The following NSRP1 variants were observed in gnomAD, a reference collection of about 807,000 sequenced individuals.
The protein encoded by NSRP1 is coiled-coil domain containing 55.
NSRP1 carries 24 observed loss-of-function variants against 54.7 expected under a neutral mutation model. The observed-to-expected ratio is 0.44, with a 90% CI of 0.32 to 0.62. The LOEUF (loss-of-function observed/expected upper bound fraction) is 0.62. NSRP1 is among the 20% of genes least tolerant of loss of function. The pLI is 0.06. For missense variants in NSRP1, 596 were observed against 651.2 expected (o/e 0.92, Z 0.92); for synonymous variants, 210 against 213.8 (o/e 0.98, Z 0.15).
Position 30,184,754 on chromosome 17 carries a change from A to G in NSRP1, c.757A>G (p.Lys253Glu), listed in dbSNP as rs1905447785. ...AGATGCAGACAGTGACTTCGATGCT[A>G]AGAGCAGTGCGGATGATGAAATAGA... The part of the protein sequence containing the change: ...NPDADSDFDA[K>E]SSADDEIEET... Residue 253 changes from lysine to glutamate, a missense_variant, in exon 7 of 7, where the codon AAG (lysine) becomes GAG (glutamate). Coordinates refer to ENST00000247026, the MANE Select transcript of NSRP1 (RefSeq NM_032141.4). 6.2e-7 allele frequency: 1 copy of G among 1,614,056 alleles called. No individual in the cohort carries two copies. Among genetic ancestry groups the G allele is most frequent in the African/African-American group, 1.3e-5 (1 of 74,934 alleles).
At chr17:30,184,194 A>T (rs1905419992) in intron 6 of NSRP1, among the ~76,000 whole-genome samples, 1 of 152,216 alleles carries the variant, frequency 6.6e-6, no homozygotes, top group South Asian at 2.1e-4. Context: ...AGAATGTCTC[A>T]AAATAAATAA....
chr17:30,148,217 G>A (rs1450524158), intron 2 of NSRP1, among the ~76,000 whole-genome samples: 1 of 152,196 alleles, frequency 6.6e-6, no homozygotes, highest in African/African-American at 2.4e-5. Flanking sequence ...TGGTTTATTA[G>A]ATTGATACAT....
chr17:30,117,246 T>G, intron 1 of NSRP1: 1 of 607,900 alleles, frequency 1.6e-6, no homozygotes, highest in Non-Finnish European at 3.0e-6. Context: ...TTAGAGGGCC[T>G]TGTTCTCCTT....
chr17:30,155,742 G>T (rs537515979), intron 2 of NSRP1, among the ~76,000 whole-genome samples: 1 of 152,136 alleles, frequency 6.6e-6, no homozygotes, highest in South Asian at 2.1e-4. Context: ...CCCTTTCCAT[G>T]TGTGTTCTAG....
intron 5 of NSRP1, 115 bp downstream of exon 5, chr17:30,179,412 T>C: frequency 1.5e-6 from 2 of 1,367,646 alleles, no homozygotes; most frequent in Non-Finnish European, 1.9e-6. Context: ...TCATAATTTA[T>C]ATATAGGAAT....
chr17:30,130,378 T>C (rs1201008523), intron 2 of NSRP1, among the ~76,000 whole-genome samples: 1 of 152,150 alleles, frequency 6.6e-6, no homozygotes, highest in Non-Finnish European at 1.5e-5. Flanking sequence ...GGATTAGAAG[T>C]GTGAGCCACT....
intron 2 of NSRP1, among the ~76,000 whole-genome samples, chr17:30,148,330 AG>A (rs1483959551): frequency 6.6e-6 from 1 of 152,230 alleles, no homozygotes; most frequent in Non-Finnish European, 1.5e-5. Context: ...AACTTGATTT[AG>A]GGTTTTCAAA....
At position 30,179,313 on chromosome 17, in the gene NSRP1, G is replaced by A. The variant is rs1434521159; in HGVS notation, c.508+16G>A. 4 of 1,556,926 alleles carry A rather than the reference G, an allele frequency of 2.6e-6. No individual in the cohort carries two copies. The highest frequency in any genetic ancestry group is 1.4e-5 in the African/African-American group (1 of 72,368). On this transcript the variant is annotated intron_variant, in intron 5 of 6. Transcript: ENST00000247026. The stretch of plus-strand genomic sequence containing the variant: ...GCACTGGAAGGTAAAATGAAAGAGT[G>A]GGAAAGGCACAAGGAAACAGTAGCA...
intron 3 of NSRP1, among the ~76,000 whole-genome samples, chr17:30,172,967 AT>A (rs879921029): frequency 2.1e-3 from 311 of 145,452 alleles, no homozygotes; most frequent in Middle Eastern, 3.5e-3. Context: ...AGATATATAG[AT>A]TTTTTTTTTT....
At chr17:30,131,710 C>T (rs538799568) in intron 2 of NSRP1, among the ~76,000 whole-genome samples, 4 of 151,886 alleles carry the variant, frequency 2.6e-5, no homozygotes, top group East Asian at 3.9e-4. Flanking sequence ...GCTGGGTGGC[C>T]GTAGCAATTT....
chr17:30,182,512 C>T (rs767219436), intron 6 of NSRP1, among the ~76,000 whole-genome samples: 3 of 151,846 alleles, frequency 2.0e-5, no homozygotes, highest in African/African-American at 4.8e-5. Flanking sequence ...CATTGTGGCA[C>T]ATGCCTGTAA....
intron 2 of NSRP1, among the ~76,000 whole-genome samples, chr17:30,159,698 G>T (rs1904441149): frequency 6.6e-6 from 1 of 151,886 alleles, no homozygotes; most frequent in African/African-American, 2.4e-5. Flanking sequence ...TCACTCTGTT[G>T]CCCAGGCTGG....
intron 2 of NSRP1, chr17:30,144,830 C>T (rs1351674978): frequency 6.6e-6 from 1 of 152,180 alleles, no homozygotes; most frequent in Non-Finnish European, 1.5e-5. Context: ...CTGCACAAAG[C>T]TCTTTTCTTC....
intron 2 of NSRP1, among the ~76,000 whole-genome samples, chr17:30,145,788 C>T (rs564030229): frequency 8.6e-5 from 13 of 151,882 alleles, no homozygotes; most frequent in African/African-American, 2.9e-4. Context: ...GTTGTATTTC[C>T]GTATATCCGT....
At chr17:30,116,949 G>C (rs905554633) in intron 1 of NSRP1, 86 bp downstream of exon 1, 4 of 1,463,514 alleles carry the variant, frequency 2.7e-6, no homozygotes, top group Non-Finnish European at 2.8e-6. Flanking sequence ...AAATGCGCTG[G>C]AAGTGAAGGG....
chr17:30,159,401 A>G (rs1189808437), intron 2 of NSRP1, among the ~76,000 whole-genome samples: 1 of 152,014 alleles, frequency 6.6e-6, no homozygotes, highest in Admixed American at 6.6e-5. Context: ...ATATAAGATC[A>G]TGTCATCTGC....
chr17:30,174,930 A>G (rs1905077510), intron 3 of NSRP1, among the ~76,000 whole-genome samples: 1 of 152,230 alleles, frequency 6.6e-6, no homozygotes, highest in South Asian at 2.1e-4. Context: ...GAGACTGGGC[A>G]GAATAGGATG....
intron 4 of NSRP1, among the ~76,000 whole-genome samples, chr17:30,178,839 A>G (rs1314552229): frequency 6.6e-6 from 1 of 152,048 alleles, no homozygotes; most frequent in Non-Finnish European, 1.5e-5. Context: ...CAGAAAAAAG[A>G]AAAAAATTAT....
chr17:30,160,300 T>C (rs940444562), intron 2 of NSRP1, among the ~76,000 whole-genome samples: 3 of 152,142 alleles, frequency 2.0e-5, no homozygotes, highest in African/African-American at 7.2e-5. Flanking sequence ...CTTTGTCTGG[T>C]TTTGGTTTCA....
Sources: allele counts gnomAD v4.1 joint callset (sites outside exome capture counted in the v4.1 genomes callset), GRCh38; gene constraint gnomAD v4.1.1; transcripts MANE v1.5; gene names NCBI Gene and HGNC (gene_info 2026-07-23, HGNC 2026-07-21).